SPIDR: variants seen among roughly 807,000 people sequenced by gnomAD.
SPIDR encodes the protein scaffold protein involved in DNA repair.
Under a neutral mutation model 104.6 loss-of-function variants are expected in SPIDR, and 93 were observed. The ratio of observed to expected loss-of-function variants is 0.89; its 90% confidence interval spans 0.75 to 1.06. SPIDR has a LOEUF of 1.06. SPIDR is among the 50% of genes least tolerant of loss of function. The pLI, the probability that SPIDR is intolerant of heterozygous loss-of-function variation, is 0.00. For missense variants in SPIDR, 1,154 were observed against 1,111.2 expected (o/e 1.04, Z -0.55); for synonymous variants, 431 against 416.9 (o/e 1.03, Z -0.41).
intron 8 of SPIDR, among the ~76,000 whole-genome samples, chr8:47,513,074 C>T (rs1358675073): frequency 6.6e-6 from 1 of 152,204 alleles, no homozygotes; most frequent in Non-Finnish European, 1.5e-5. Flanking sequence ...ACTTCTGAAA[C>T]ATAAAATCTC....
chr8:47,319,627 A>G (rs2046126459), intron 5 of SPIDR, among the ~76,000 whole-genome samples: 1 of 152,194 alleles, frequency 6.6e-6, no homozygotes, highest in East Asian at 1.9e-4. Context: ...TCCACCCCAA[A>G]TGAACAGAAT....
intron 3 of SPIDR, among the ~76,000 whole-genome samples, chr8:47,290,031 T>C (rs1369581120): frequency 2.6e-5 from 4 of 152,156 alleles, no homozygotes; most frequent in Non-Finnish European, 5.9e-5. Context: ...ATTTTATTTA[T>C]ATAACCTTTT....
At chr8:47,298,305 G>C (rs2041304872) in intron 5 of SPIDR, among the ~76,000 whole-genome samples, 1 of 152,036 alleles carries the variant, frequency 6.6e-6, no homozygotes, top group Non-Finnish European at 1.5e-5. Flanking sequence ...TGATGGGGTT[G>C]TTTTTTTCTT....
chr8:47,466,596 C>T (rs1554717049), intron 8 of SPIDR, among the ~76,000 whole-genome samples: 1 of 152,034 alleles, frequency 6.6e-6, no homozygotes, highest in East Asian at 1.9e-4. Flanking sequence ...TGCAGTGGCT[C>T]ACGCCTGTAA....
chr8:47,273,347 G>A (rs1227681803), intron 1 of SPIDR, among the ~76,000 whole-genome samples: 5 of 152,212 alleles, frequency 3.3e-5, no homozygotes, highest in Non-Finnish European at 7.3e-5. Flanking sequence ...GTATTCAGTA[G>A]AAGCAGATGA....
chr8:47,475,304 C>G (rs947372339), intron 8 of SPIDR, among the ~76,000 whole-genome samples: 5 of 152,190 alleles, frequency 3.3e-5, no homozygotes, highest in Admixed American at 3.3e-4. Context: ...CATGCCCTGC[C>G]GGGCCCAGAG....
At chr8:47,554,629 G>A (rs904091447) in intron 8 of SPIDR, among the ~76,000 whole-genome samples, 40 of 152,160 alleles carry the variant, frequency 2.6e-4, no homozygotes, top group Middle Eastern at 3.2e-3. Context: ...GTAGTGTCCC[G>A]ATTTTCTAGG....
At chr8:47,399,513 A>C (rs552523885) in intron 6 of SPIDR, among the ~76,000 whole-genome samples, 14 of 152,318 alleles carry the variant, frequency 9.2e-5, no homozygotes, top group African/African-American at 3.4e-4. Flanking sequence ...TGGAGGTCTG[A>C]GGAGAGAGAA....
At chr8:47,540,197 C>T (rs2087822838) in intron 8 of SPIDR, among the ~76,000 whole-genome samples, 1 of 152,162 alleles carries the variant, frequency 6.6e-6, no homozygotes, top group Non-Finnish European at 1.5e-5. Flanking sequence ...AGGACCAAAA[C>T]TTCCAATGAA....
chr8:47,300,549 A>G (rs1310738145), intron 5 of SPIDR, among the ~76,000 whole-genome samples: 1 of 152,052 alleles, frequency 6.6e-6, no homozygotes. Flanking sequence ...TAGGGTGTCA[A>G]TTTTAGATCT....
intron 6 of SPIDR, among the ~76,000 whole-genome samples, chr8:47,400,581 T>C (rs2061743079): frequency 6.6e-6 from 1 of 152,090 alleles, no homozygotes. Context: ...AGAGAGGTAG[T>C]TGACATTTGA....
chr8:47,565,971 CATATATATATAT>C (rs1170408396), intron 8 of SPIDR, among the ~76,000 whole-genome samples: 1 of 41,472 alleles, frequency 2.4e-5, no homozygotes, highest in Non-Finnish European at 4.8e-5. Flanking sequence ...TATTTATACT[CATATATATATAT>C]ATATATATAT....
At chr8:47,447,356 G>A (rs1344192711) in intron 8 of SPIDR, among the ~76,000 whole-genome samples, 1 of 152,094 alleles carries the variant, frequency 6.6e-6, no homozygotes, top group African/African-American at 2.4e-5. Flanking sequence ...TGGGATTACA[G>A]GCGTGTGCCA....
At chr8:47,381,411 C>T (rs1049514948) in intron 5 of SPIDR, among the ~76,000 whole-genome samples, 2 of 150,112 alleles carry the variant, frequency 1.3e-5, no homozygotes, top group Non-Finnish European at 3.0e-5. Flanking sequence ...TTTGTTGTTG[C>T]TCTTACCATC....
At chr8:47,495,388 CAA>C (rs111275214) in intron 8 of SPIDR, among the ~76,000 whole-genome samples, 14 of 135,540 alleles carry the variant, frequency 1.0e-4, no homozygotes, top group African/African-American at 1.6e-4. Flanking sequence ...CCCTCCCACC[CAA>C]AAAAAAAAAA....
chr8:47,698,656 G>T (rs183348798), intron 11 of SPIDR, among the ~76,000 whole-genome samples: 265 of 152,280 alleles, frequency 1.7e-3, no homozygotes, highest in African/African-American at 6.0e-3. Context: ...CTTTCCTATG[G>T]CTGTGTGCTT....
At chr8:47,702,176 T>C (rs1405703562) in intron 14 of SPIDR, among the ~76,000 whole-genome samples, 161 bp downstream of exon 14, 1 of 150,446 alleles carries the variant, frequency 6.6e-6, no homozygotes. Flanking sequence ...CCTTTGGAAA[T>C]TAATGCATTG....
At chr8:47,439,648 T>G (rs2069016146) in intron 7 of SPIDR, among the ~76,000 whole-genome samples, 1 of 152,222 alleles carries the variant, frequency 6.6e-6, no homozygotes, top group Admixed American at 6.5e-5. Context: ...ACTATCAACT[T>G]CAGTTATCTC....
chr8:47,701,084 G>A (rs1157502963), intron 12 of SPIDR, among the ~76,000 whole-genome samples: 1 of 152,176 alleles, frequency 6.6e-6, no homozygotes, highest in Non-Finnish European at 1.5e-5. Flanking sequence ...TCTTCCTTAG[G>A]TTGTGGCTGA....
Sources: gnomAD v4.1 joint callset for allele counts (sites outside exome capture counted in the v4.1 genomes callset) on GRCh38, gnomAD v4.1.1 for gene constraint, MANE v1.5 for transcripts, NCBI Gene and HGNC (gene_info 2026-07-23, HGNC 2026-07-21) for gene names.